The following NCKAP1 variants were observed in gnomAD, a reference collection of about 807,000 sequenced individuals.
NCKAP1 encodes the protein NCK associated protein 1.
In NCKAP1, 21 loss-of-function variants were observed where a neutral mutation model predicts 151.2. The ratio of observed to expected loss-of-function variants is 0.14; its 90% CI spans 0.10 to 0.20. The LOEUF is 0.20. NCKAP1 is among the 10% of genes least tolerant of loss of function. NCKAP1 has a pLI of 1.00. For missense variants in NCKAP1, 933 were observed against 1,352.1 expected, an observed-to-expected ratio of 0.69 and a Z score of 4.86; for synonymous variants, 484 against 451.8, an observed-to-expected ratio of 1.07 and a Z score of -0.90.
rs1392453490 is a variant in NCKAP1, at chr2:182,924,598, A to C, written c.*1104T>G. The C allele has an allele frequency of 2.0e-5, 3 of 152,104 alleles. No individual in the cohort carries two copies. The highest frequency in any genetic ancestry group is 2.1e-4 in the South Asian group (1 of 4,830). 9.4% of individuals were successfully genotyped at this position (152,104 alleles called of 1,614,324 possible). ...TCAATTTTTTTTCCCTATTCTTTTA[A>C]ATAACTCTATTTGGTTACAGATAAA... On this transcript the variant is annotated 3_prime_UTR_variant, in exon 31 of 31. Transcript: ENST00000361354.
intron 2 of NCKAP1, among the ~76,000 whole-genome samples, chr2:183,005,031 T>A (rs1179927825): frequency 8.1e-6 from 1 of 123,218 alleles, no homozygotes. Context: ...CAACATTATC[T>A]GTTTCAGAAC....
At chr2:182,967,492 T>G in intron 15 of NCKAP1, 131 bp from the exon 16 acceptor site, 1 of 803,144 alleles carries the variant, frequency 1.2e-6, no homozygotes, top group South Asian at 1.7e-5. Flanking sequence ...TAACATCTAC[T>G]GTGTTAGTTG....
At chr2:183,020,254 G>GA (rs567953465) in intron 2 of NCKAP1, among the ~76,000 whole-genome samples, 105 of 152,068 alleles carry the variant, frequency 6.9e-4, no homozygotes, top group African/African-American at 2.3e-3. Context: ...CTTGAGCCCA[G>GA]AAGTTTGAGA....
chr2:182,940,000 T>C (rs1696963255), intron 24 of NCKAP1, among the ~76,000 whole-genome samples: 1 of 152,230 alleles, frequency 6.6e-6, no homozygotes, highest in Non-Finnish European at 1.5e-5. Context: ...AAGCAGAATC[T>C]TGACAAACGA....
intron 24 of NCKAP1, among the ~76,000 whole-genome samples, chr2:182,935,683 A>G (rs747456674): frequency 9.2e-5 from 14 of 151,954 alleles, no homozygotes; most frequent in Non-Finnish European, 1.9e-4. Context: ...TATATAAATT[A>G]TATTACTACC....
rs978354216 is a variant in NCKAP1, at chr2:182,917,336, C to T, written c.*8366G>A. Reference sequence around the variant, plus strand: ...CAGTAGCTGTTTATCATTATGAAGACTATTACTGCATAAACATAAGATCAG... The same window carrying T: ...CAGTAGCTGTTTATCATTATGAAGATTATTACTGCATAAACATAAGATCAG... On this transcript the variant is annotated 3_prime_UTR_variant, in exon 31 of 31. Transcript: ENST00000361354. 1.3e-5 allele frequency: 2 copies of T among 152,172 alleles called. No homozygotes were observed. The highest frequency in any genetic ancestry group is 2.9e-5 in the Non-Finnish European group (2 of 68,040). The allele number at this position is 152,172 out of a possible 1,614,324, so 9.4% of individuals were successfully genotyped here.
In NCKAP1 at chr2:182,956,535, T is replaced by C. The variant is rs1697331312; in HGVS notation, c.2080A>G (p.Asn694Asp). 6.2e-7 allele frequency: 1 copy of C among 1,610,942 alleles called. No homozygotes were observed. The change falls in exon 20 of 31, where the codon AAC (asparagine) becomes GAC (aspartate). Residue 694 changes from asparagine (N) to aspartate (D), a missense_variant. Coordinates refer to ENST00000361354, the MANE Select transcript of NCKAP1 (RefSeq NM_013436.5). Reference protein sequence around the residue: ...ELCFSINYVPNMVVWEHTFTP... With the variant: ...ELCFSINYVPDMVVWEHTFTP... Reference sequence around the variant, plus strand: ...AAGGTATGTTCCCATACCACCATGTTTGGTACATAATTTATAGAGAAGCAT... The same window carrying C: ...AAGGTATGTTCCCATACCACCATGTCTGGTACATAATTTATAGAGAAGCAT...
At chr2:182,963,840 T>C (rs1425665401) in intron 17 of NCKAP1, among the ~76,000 whole-genome samples, 1 of 152,086 alleles carries the variant, frequency 6.6e-6, no homozygotes, top group East Asian at 1.9e-4. Flanking sequence ...TCCTCATAGG[T>C]AGAAATTCTG....
Position 182,960,735 on chromosome 2 carries a change from A to T in NCKAP1, c.1881+1424T>A, listed in dbSNP as rs1226531225. ...ACAAAAGCCAAAATTGACAAATGGG[A>T]TCTAATTAAACTAAAGAGCTTCTGC... is the stretch of plus-strand genomic sequence containing the variant. On this transcript the variant is annotated intron_variant, in intron 18 of 30. Transcript: ENST00000361354. Among the ~76,000 whole-genome samples, 3 of 152,242 alleles carry T rather than the reference A, an allele frequency of 2.0e-5. No individual in the cohort carries two copies. The East Asian group carries it at 5.8e-4, about 29-fold the overall frequency.
At chr2:182,933,323 AAG>A (rs1696802943) in intron 26 of NCKAP1, among the ~76,000 whole-genome samples, 3 of 152,122 alleles carry the variant, frequency 2.0e-5, no homozygotes, top group Admixed American at 1.3e-4. Flanking sequence ...CAGAGTAAGA[AAG>A]AGAGTGAGAG....
At chr2:183,029,938 A>C (rs1474078241) in intron 1 of NCKAP1, among the ~76,000 whole-genome samples, 1 of 152,164 alleles carries the variant, frequency 6.6e-6, no homozygotes, top group Non-Finnish European at 1.5e-5. Context: ...CAAAACACCT[A>C]TGCTTTAGAA....
intron 26 of NCKAP1, among the ~76,000 whole-genome samples, chr2:182,931,764 C>CAT (rs1216796367): frequency 3.3e-5 from 5 of 151,982 alleles, no homozygotes; most frequent in Non-Finnish European, 7.4e-5. Context: ...GTATCCAAAA[C>CAT]ATATGAAGAA....
intron 30 of NCKAP1, among the ~76,000 whole-genome samples, chr2:182,926,406 C>A (rs1392978209): frequency 6.6e-6 from 1 of 151,958 alleles, no homozygotes; most frequent in East Asian, 1.9e-4. Flanking sequence ...CAAGCAAGAG[C>A]TGGTTCACAG....
chr2:183,001,086 C>T (rs1380129762), intron 6 of NCKAP1, among the ~76,000 whole-genome samples: 2 of 152,192 alleles, frequency 1.3e-5, no homozygotes, highest in African/African-American at 4.8e-5. Flanking sequence ...GAGCGAGACG[C>T]TGTCTCAAAG....
chr2:182,972,184 T>C (rs896995701), intron 15 of NCKAP1, among the ~76,000 whole-genome samples: 3 of 112,568 alleles, frequency 2.7e-5, no homozygotes, highest in African/African-American at 1.1e-4. Context: ...GACAAGGCAT[T>C]AACAATCAGA....
At chr2:182,930,169 A>G (rs1174702866) in intron 27 of NCKAP1, among the ~76,000 whole-genome samples, 3 of 151,840 alleles carry the variant, frequency 2.0e-5, no homozygotes, top group African/African-American at 4.8e-5. Context: ...GTTGTCTTCT[A>G]GTTATCTCCA....
Position 182,920,372 on chromosome 2 carries a change from T to G in NCKAP1, c.*5330A>C, listed in dbSNP as rs1439187451. On this transcript the variant is annotated 3_prime_UTR_variant, in exon 31 of 31. Transcript: ENST00000361354. ...CATGCAATTAAAGATGACATGAACATAGACATTCAGAAGCAACACTGTCAT... is the reference window on the plus strand; with the variant it reads ...CATGCAATTAAAGATGACATGAACAGAGACATTCAGAAGCAACACTGTCAT... The G allele has an allele frequency of 6.6e-6, 1 of 152,176 alleles. No individual in the cohort carries two copies. The highest frequency in any genetic ancestry group is 2.4e-5 in the African/African-American group (1 of 41,442). 9.4% of individuals were successfully genotyped at this position (152,176 alleles called of 1,614,324 possible).
At chr2:183,031,438 T>C (rs1699002095) in intron 1 of NCKAP1, among the ~76,000 whole-genome samples, 1 of 152,236 alleles carries the variant, frequency 6.6e-6, no homozygotes, top group East Asian at 1.9e-4. Context: ...AAAGGACTAC[T>C]GTGGAACACA....
rs1409904157 is a variant in NCKAP1 at position 182,975,919 on chromosome 2, A to G, written c.1482+974T>C. On this transcript the variant is annotated intron_variant, in intron 15 of 30. Transcript: ENST00000361354. ...GACCCTGCCTCTAAAACATAAATAAATAAGTAAATATTTTTTTAAAAAGAC... is the reference window on the plus strand; with the variant it reads ...GACCCTGCCTCTAAAACATAAATAAGTAAGTAAATATTTTTTTAAAAAGAC... Among the ~76,000 whole-genome samples, 5 of 152,312 alleles carry G rather than the reference A, an allele frequency of 3.3e-5. No homozygotes were observed. The East Asian group carries it at 9.6e-4, about 29-fold the overall frequency.
Sources: gnomAD v4.1 joint callset for allele counts (sites outside exome capture counted in the v4.1 genomes callset) on GRCh38, gnomAD v4.1.1 for gene constraint, MANE v1.5 for transcripts, NCBI Gene and HGNC (gene_info 2026-07-23, HGNC 2026-07-21) for gene names.